The following KAT2B variants were observed in gnomAD, a reference collection of about 807,000 sequenced individuals.
KAT2B encodes the protein histone acetyltransferase KAT2B.
Under a neutral mutation model 105.9 loss-of-function variants are expected in KAT2B, and 36 were observed. The ratio of observed to expected loss-of-function variants is 0.34; its 90% CI spans 0.26 to 0.45. KAT2B has a LOEUF of 0.45. KAT2B is among the 20% of genes least tolerant of loss of function. The pLI is 1.00. For missense variants in KAT2B, 820 were observed against 1,021.6 expected, an observed-to-expected ratio of 0.80 and a Z score of 2.69; for synonymous variants, 397 against 377.9, an observed-to-expected ratio of 1.05 and a Z score of -0.59.
At position 20,095,254 on chromosome 3, in the gene KAT2B, T is replaced by C; in HGVS notation, c.431-9T>C. On this transcript the variant is annotated splice_polypyrimidine_tract_variant and intron_variant, in intron 2 of 17. Transcript: ENST00000263754. ...GGTCTTACATATGTTTCTTTGATCT[T>C]ATCATAAGCTGCTCATGTTTCCCAC... 6.2e-7 allele frequency: 1 copy of C among 1,607,088 alleles called. No homozygotes were observed. Among genetic ancestry groups the C allele is most frequent in the South Asian group, 1.1e-5 (1 of 89,620 alleles).
intron 1 of KAT2B, among the ~76,000 whole-genome samples, chr3:20,051,751 A>T (rs1170484791): frequency 6.6e-6 from 1 of 152,238 alleles, no homozygotes; most frequent in Non-Finnish European, 1.5e-5. Flanking sequence ...CCTGAAAAGT[A>T]GTATTGAATA....
chr3:20,117,745 A>G (rs934508820), intron 7 of KAT2B, among the ~76,000 whole-genome samples: 3 of 152,194 alleles, frequency 2.0e-5, no homozygotes, highest in Non-Finnish European at 4.4e-5. Context: ...CTGTACTGCC[A>G]TGCTGTGTCC....
rs1698127817 is a variant in KAT2B, at chr3:20,062,121, C to CATATAATATATATTATATAAAACAT, written c.304-10207_304-10206insATATATATTATATAAAACATATATA. 5.5e-5 allele frequency among the ~76,000 whole-genome samples: 3 copies of CATATAATATATATTATATAAAACAT among 54,092 alleles called. No homozygotes were observed. The South Asian group carries it at 1.6e-3, about 30-fold the overall frequency. 35.5% of individuals were successfully genotyped at this position (54,092 alleles called of 152,430 possible). A position where few individuals can be genotyped will look rare whatever the true frequency, so the allele number is the denominator to read the frequency against. ...AACATATAATATATATTATATAAAACATATATATATAAAATATATAATATA... is the reference window on the plus strand; with the variant it reads ...AACATATAATATATATTATATAAAACATATAATATATATTATATAAAACATATATATATATAAAATATATAATATA... On this transcript the variant is annotated intron_variant, in intron 1 of 17. Coordinates refer to ENST00000263754, the MANE Select transcript of KAT2B (RefSeq NM_003884.5).
intron 1 of KAT2B, among the ~76,000 whole-genome samples, chr3:20,064,786 T>C (rs1459778454): frequency 6.6e-6 from 1 of 152,242 alleles, no homozygotes; most frequent in Admixed American, 6.5e-5. Flanking sequence ...GGATCAGTTA[T>C]ACTGAATAAA....
chr3:20,053,877 C>T (rs1310193545), intron 1 of KAT2B, among the ~76,000 whole-genome samples: 1 of 152,110 alleles, frequency 6.6e-6, no homozygotes, highest in African/African-American at 2.4e-5. Context: ...CAGCTCACCG[C>T]GACTTCCATC....
At position 20,045,323 on chromosome 3, in the gene KAT2B, ATTT is replaced by A. The variant is rs1446313535; in HGVS notation, c.303+4544_303+4546del. ...GTGAGCCACTGCACCTGGCCTATTT[ATTT>A]ATTTATTTATTTATTTATTTATTTA... On this transcript the variant is annotated intron_variant, in intron 1 of 17. Coordinates refer to ENST00000263754, the MANE Select transcript of KAT2B (RefSeq NM_003884.5). Among the ~76,000 whole-genome samples the A allele has an allele frequency of 4.3e-3, 40 of 9,290 alleles. 1 individual carries two copies. Among genetic ancestry groups the A allele is most frequent in the Admixed American group, 0.028 (28 of 1,018 alleles). 6.1% of individuals were successfully genotyped at this position (9,290 alleles called of 152,430 possible).
At position 20,119,714 on chromosome 3, in the gene KAT2B, G is replaced by C. The variant is rs1227712555; in HGVS notation, c.1267G>C (p.Ala423Pro). The C allele has an allele frequency of 6.2e-7, 1 of 1,614,018 alleles. No homozygotes were observed. Among genetic ancestry groups the C allele is most frequent in the Non-Finnish European group, 8.5e-7 (1 of 1,179,962 alleles). Residue 423 changes from alanine to proline, a missense_variant, in exon 8 of 18, where the codon GCA becomes CCA. Ala to Pro is a conservative substitution (Grantham distance 27). This residue lies in a region of KAT2B where 225 missense variants were observed against 268.1 expected (regional missense o/e 0.84). Transcript: ENST00000263754. ...PACKASSGLE[A>P]NPGEKRKMTD... ...CTGCAAAGCCTCTTCTGGACTTGAG[G>C]CAAACCCAGGTAAGCTCTTAAGAGG...
At chr3:20,139,540 G>T (rs1227150468) in intron 12 of KAT2B, among the ~76,000 whole-genome samples, 1 of 151,998 alleles carries the variant, frequency 6.6e-6, no homozygotes, top group Non-Finnish European at 1.5e-5. Context: ...TGCTGGCGAT[G>T]GTGCTGAAGT....
At chr3:20,088,337 G>T (rs1330098565) in intron 2 of KAT2B, among the ~76,000 whole-genome samples, 6 of 152,156 alleles carry the variant, frequency 3.9e-5, no homozygotes, top group African/African-American at 1.2e-4. Flanking sequence ...TATCCATATG[G>T]TTTACCATAC....
intron 10 of KAT2B, among the ~76,000 whole-genome samples, chr3:20,126,944 G>A (rs945002303): frequency 6.6e-6 from 1 of 152,122 alleles, no homozygotes; most frequent in African/African-American, 2.4e-5. Flanking sequence ...ACAATTCAGA[G>A]TGATGCTTTA....
Position 20,040,488 on chromosome 3 carries a change from C to T in KAT2B, c.11C>T (p.Ala4Val). 9.5e-7 allele frequency: 1 copy of T among 1,051,324 alleles called. No homozygotes were observed. The highest frequency in any genetic ancestry group is 1.7e-5 in the African/African-American group (1 of 58,542). 65.1% of individuals were successfully genotyped at this position (1,051,324 alleles called of 1,614,324 possible). Reference sequence around the variant, plus strand: ...GTGCTCCGGGGCGGCATGTCCGAGGCTGGCGGGGCCGGGCCGGGCGGCTGC... The same window carrying T: ...GTGCTCCGGGGCGGCATGTCCGAGGTTGGCGGGGCCGGGCCGGGCGGCTGC... MSE[A>V]GGAGPGGCGA... is the part of the protein sequence containing the mutation. Residue 4 changes from alanine to valine, a missense_variant, in exon 1 of 18, where the codon GCT becomes GTT. By Grantham distance (64) the Ala-to-Val change is moderately conservative (BLOSUM62 0). This residue lies in a region of KAT2B where 190 missense variants were observed against 176.7 expected (regional missense o/e 1.08). Transcript: ENST00000263754.
intron 10 of KAT2B, 90 bp downstream of exon 10, chr3:20,126,203 A>G (rs1007198862): frequency 2.7e-5 from 27 of 1,008,956 alleles, no homozygotes; most frequent in Middle Eastern, 2.1e-4. Flanking sequence ...ATAGTCATCC[A>G]CCGAATACTA....
At chr3:20,147,885 T>C in intron 14 of KAT2B, 78 bp from the exon 15 acceptor site, 2 of 1,377,548 alleles carry the variant, frequency 1.5e-6, no homozygotes, top group Non-Finnish European at 1.0e-6. Flanking sequence ...TAATTTCTTG[T>C]TTTTGATAAG....
At chr3:20,080,225 G>T (rs953860137) in intron 2 of KAT2B, among the ~76,000 whole-genome samples, 1 of 152,160 alleles carries the variant, frequency 6.6e-6, no homozygotes, top group South Asian at 2.1e-4. Flanking sequence ...GTTCATTGAG[G>T]CCTCTTTATT....
chr3:20,077,683 T>G (rs1047924000), intron 2 of KAT2B, among the ~76,000 whole-genome samples: 12 of 152,222 alleles, frequency 7.9e-5, no homozygotes, highest in Non-Finnish European at 1.3e-4. Flanking sequence ...AATTTAAAAA[T>G]CACATTGTAT....
intron 1 of KAT2B, among the ~76,000 whole-genome samples, chr3:20,059,239 C>G (rs1575108771): frequency 6.6e-6 from 1 of 151,068 alleles, no homozygotes; most frequent in Non-Finnish European, 1.5e-5. Flanking sequence ...ATGGTGAAAC[C>G]CCGTCTCTAC....
chr3:20,061,562 C>A (rs1242992858), intron 1 of KAT2B, among the ~76,000 whole-genome samples: 2 of 151,784 alleles, frequency 1.3e-5, no homozygotes, highest in Admixed American at 1.3e-4. Context: ...ATACTGTTTT[C>A]CATAGCAGCC....
intron 1 of KAT2B, among the ~76,000 whole-genome samples, chr3:20,054,552 G>T (rs1416961028): frequency 6.6e-6 from 1 of 152,220 alleles, no homozygotes; most frequent in East Asian, 1.9e-4. Context: ...GTATGGGGTT[G>T]CTTCCATTAA....
At chr3:20,136,048 G>T (rs558146150) in intron 11 of KAT2B, among the ~76,000 whole-genome samples, 3 of 152,284 alleles carry the variant, frequency 2.0e-5, no homozygotes, top group South Asian at 4.1e-4. Context: ...GGATTAGGGG[G>T]TTAGATAGAA....
Sources: allele counts gnomAD v4.1 joint callset (sites outside exome capture counted in the v4.1 genomes callset), GRCh38; gene constraint gnomAD v4.1.1; regional missense constraint gnomAD v4.1.1; transcripts MANE v1.5; gene names NCBI Gene and HGNC (gene_info 2026-07-23, HGNC 2026-07-21).